Variants in PCDHA8 observed in about 807,000 individuals in gnomAD.
The protein encoded by PCDHA8 is protocadherin alpha-8.
A neutral mutation model predicts 61.8 loss-of-function variants in PCDHA8; 53 were observed. The observed-to-expected ratio is 0.86, with a 90% CI of 0.69 to 1.08. The LOEUF (loss-of-function observed/expected upper bound fraction) is 1.08. PCDHA8 is among the 50% of genes least tolerant of loss of function. PCDHA8 has a pLI of 0.00. For missense variants in PCDHA8, 1,293 were observed against 1,245.0 expected, an observed-to-expected ratio of 1.04 and a Z score of -0.58; for synonymous variants, 618 against 556.6, an observed-to-expected ratio of 1.11 and a Z score of -1.55.
intron 1 of PCDHA8, among the ~76,000 whole-genome samples, chr5:140,959,004 C>G (rs1554223791): frequency 6.6e-6 from 1 of 151,642 alleles, no homozygotes; most frequent in African/African-American, 2.4e-5. Flanking sequence ...TTTACTGTAC[C>G]TAATTTATAC....
chr5:140,864,161 T>A (rs1267371347), intron 1 of PCDHA8: 3 of 152,188 alleles, frequency 2.0e-5, no homozygotes, highest in African/African-American at 7.2e-5. Context: ...AGTTAAATCT[T>A]ACCGGAAGGA....
intron 1 of PCDHA8, among the ~76,000 whole-genome samples, chr5:140,977,969 C>T (rs1554238945): frequency 6.6e-6 from 1 of 152,114 alleles, no homozygotes; most frequent in African/African-American, 2.4e-5. Context: ...AATCTCCGCC[C>T]ATGAAAACGC....
At chr5:140,849,071 T>C (rs2150430032) in intron 1 of PCDHA8, 1 of 1,532,554 alleles carries the variant, frequency 6.5e-7, no homozygotes, top group Non-Finnish European at 8.9e-7. Flanking sequence ...TAAAACCTCT[T>C]GGACTTGTAT....
chr5:140,941,194 TC>T lies in PCDHA8; in HGVS notation c.2395-37754del, dbSNP rs1420421121. 9.3e-3 allele frequency among the ~76,000 whole-genome samples: 1,044 copies of T among 112,328 alleles called. 8 individuals carry two copies. The highest frequency in any genetic ancestry group is 0.018 in the Admixed American group (200 of 11,012). 73.7% of individuals were successfully genotyped at this position (112,328 alleles called of 152,430 possible). The stretch of plus-strand genomic sequence containing the variant: ...CTTGAACATCCTGCTTCTTTTTTTT[TC>T]TTTCTTCCTTTCTTTCTTCCTTTCT... On this transcript the variant is annotated intron_variant, in intron 1 of 3. Coordinates refer to ENST00000531613, the MANE Select transcript of PCDHA8 (RefSeq NM_018911.3).
At chr5:140,957,549 C>G (rs563057107) in intron 1 of PCDHA8, among the ~76,000 whole-genome samples, 1 of 152,156 alleles carries the variant, frequency 6.6e-6, no homozygotes, top group South Asian at 2.1e-4. Context: ...AAAGTATTCT[C>G]TGTGGAAAAG....
At chr5:140,923,226 G>T (rs2081248805) in intron 1 of PCDHA8, among the ~76,000 whole-genome samples, 1 of 71,914 alleles carries the variant, frequency 1.4e-5, no homozygotes, top group Admixed American at 1.5e-4. Flanking sequence ...GATCGTTTGA[G>T]CCCAGAAGTT....
At chr5:140,975,154 G>C (rs73268051) in intron 1 of PCDHA8, among the ~76,000 whole-genome samples, 1,571 of 152,266 alleles carry the variant, frequency 0.01, 23 homozygotes, top group African/African-American at 0.036. Flanking sequence ...TCAGTTCCTA[G>C]AGAACTGAGG....
chr5:140,982,331 G>A lies in PCDHA8; in HGVS notation c.2454-144G>A, dbSNP rs1422921231. On this transcript the variant is annotated intron_variant, in intron 2 of 3. Coordinates refer to ENST00000531613, the MANE Select transcript of PCDHA8 (RefSeq NM_018911.3). ...GCAGTTTATGCAGGGTGACTGCTCA[G>A]CAGTAATTGCTTCAGTTCAAGCATG... The A allele has an allele frequency of 6.3e-6, 9 of 1,431,750 alleles. No individual in the cohort carries two copies. In the Admixed American group the frequency reaches 1.6e-4, roughly 26 times the overall value. 88.7% of individuals were successfully genotyped at this position (1,431,750 alleles called of 1,614,324 possible).
intron 1 of PCDHA8, chr5:140,883,089 A>G (rs1403331305): frequency 1.1e-5 from 17 of 1,614,038 alleles, no homozygotes; most frequent in Non-Finnish European, 1.4e-5. Context: ...GATGGTACAA[A>G]TGGAGATATA....
At chr5:140,915,772 G>A (rs1282338375) in intron 1 of PCDHA8, among the ~76,000 whole-genome samples, 1 of 151,950 alleles carries the variant, frequency 6.6e-6, no homozygotes, top group East Asian at 1.9e-4. Flanking sequence ...CTTGTCCAAG[G>A]CCTGCTGTAA....
intron 1 of PCDHA8, chr5:140,875,947 G>A: frequency 6.2e-7 from 1 of 1,614,184 alleles, no homozygotes; most frequent in South Asian, 1.1e-5. Context: ...GGGCGCTTCT[G>A]ATGCGGATAT....
At chr5:140,853,592 T>A in intron 1 of PCDHA8, 2 of 987,050 alleles carry the variant, frequency 2.0e-6, no homozygotes, top group Non-Finnish European at 1.2e-6. Context: ...TTAGACACTT[T>A]GAGAGCAAAG....
At position 140,877,386 on chromosome 5, in the gene PCDHA8, T is replaced by G. The variant is rs782310487; in HGVS notation, c.2394+33671T>G. 5 of 1,613,816 alleles carry G rather than the reference T, an allele frequency of 3.1e-6. No individual in the cohort carries two copies. In the African/African-American group the frequency reaches 6.7e-5, roughly 22 times the overall value. On this transcript the variant is annotated intron_variant, in intron 1 of 3. Coordinates refer to ENST00000531613, the MANE Select transcript of PCDHA8 (RefSeq NM_018911.3). ...AGATCAGCACGACACGCATCCTGGA[T>G]GAGGCGGACGCTCCGCGCCACCGCC... is the stretch of plus-strand genomic sequence containing the variant.
chr5:140,865,624 T>C (rs1554159533), intron 1 of PCDHA8: 1 of 152,176 alleles, frequency 6.6e-6, no homozygotes, highest in East Asian at 1.9e-4. Context: ...TTGTTAGACA[T>C]CATGAAGGGA....
At chr5:140,941,150 G>T (rs894422349) in intron 1 of PCDHA8, among the ~76,000 whole-genome samples, 1 of 151,436 alleles carries the variant, frequency 6.6e-6, no homozygotes, top group Non-Finnish European at 1.5e-5. Context: ...TAGTTTGGAG[G>T]CCCCATAAGA....
chr5:140,843,845 C>T (rs1191998999), intron 1 of PCDHA8, 130 bp downstream of exon 1: 4 of 1,001,396 alleles, frequency 4.0e-6, no homozygotes, highest in African/African-American at 1.6e-5. Context: ...TTTTTAGAAA[C>T]CTTTTATAAT....
Position 140,841,610 on chromosome 5 carries a change from G to A in PCDHA8, c.289G>A (p.Gly97Arg), listed in dbSNP as rs199713478. 9.3e-7 allele frequency: 1 copy of A among 1,080,210 alleles called. No homozygotes were observed. Among genetic ancestry groups the A allele is most frequent in the Admixed American group, 2.5e-5 (1 of 40,732 alleles). 66.9% of individuals were successfully genotyped at this position (1,080,210 alleles called of 1,614,324 possible). The change falls in exon 1 of 4, where the codon GGG becomes AGG. Residue 97 changes from glycine to arginine, a missense_variant. Physicochemically the swap from Gly to Arg is moderately radical, Grantham distance 125. Coordinates refer to ENST00000531613, the MANE Select transcript of PCDHA8 (RefSeq NM_018911.3). ...TCGGATCGACCGCGAGGAGCTGTGC[G>A]GGCGGAGCGCGGAGTGCAGCATCCA... ...NSRIDREELC[G>R]RSAECSIHLE... is the part of the protein sequence containing the mutation.
intron 1 of PCDHA8, among the ~76,000 whole-genome samples, chr5:140,976,378 C>T (rs908008970): frequency 6.6e-6 from 1 of 151,926 alleles, no homozygotes; most frequent in Admixed American, 6.6e-5. Context: ...TGGTGAAACC[C>T]CATCTCTACT....
intron 3 of PCDHA8, among the ~76,000 whole-genome samples, chr5:141,005,814 A>T (rs947359019): frequency 6.7e-6 from 1 of 149,766 alleles, no homozygotes; most frequent in Non-Finnish European, 1.5e-5. Flanking sequence ...GGAGCCAGGT[A>T]TGGTGGCCTG....
Sources: allele counts gnomAD v4.1 joint callset (sites outside exome capture counted in the v4.1 genomes callset), GRCh38; gene constraint gnomAD v4.1.1; transcripts MANE v1.5; gene names NCBI Gene and HGNC (gene_info 2026-07-23, HGNC 2026-07-21).